Variants in MKLN1 observed in about 807,000 individuals in gnomAD.
MKLN1 encodes muskelin.
A neutral mutation model predicts 99.0 loss-of-function variants in MKLN1; 18 were observed. That is an observed-to-expected ratio of 0.18 (90% CI 0.13 to 0.27). The LOEUF (loss-of-function observed/expected upper bound fraction) is 0.27, where lower values mean the gene tolerates loss of function less well. Among genes scored for constraint, MKLN1 ranks in the 10% least tolerant of loss-of-function variants. The pLI, the probability that MKLN1 is intolerant of heterozygous loss-of-function variation, is 1.00. For missense variants in MKLN1, 621 were observed against 875.9 expected, an observed-to-expected ratio of 0.71 and a Z score of 3.67; for synonymous variants, 288 against 293.2, an observed-to-expected ratio of 0.98 and a Z score of 0.18.
Position 131,149,539 on chromosome 7 carries a change from A to T in MKLN1, c.-297+6598A>T, listed in dbSNP as rs1795860143. ...TCAACAAGTAGCCATATTCATATAA[A>T]CATATTTTCCTTTTCATTGCTGAGT... On this transcript the variant is annotated intron_variant, in intron 2 of 7. Transcript: ENST00000416992. Among the ~76,000 whole-genome samples the T allele has an allele frequency of 2.0e-5, 3 of 152,246 alleles. No homozygotes were observed. The South Asian group carries it at 6.2e-4, about 32-fold the overall frequency.
chr7:131,328,497 A>G (rs931484080), intron 1 of MKLN1, among the ~76,000 whole-genome samples: 4 of 152,148 alleles, frequency 2.6e-5, no homozygotes, highest in African/African-American at 9.7e-5. Context: ...TTAGCTCTAG[A>G]GTAGTGTTAA....
chr7:131,448,357 T>C (rs985002726), intron 12 of MKLN1, among the ~76,000 whole-genome samples: 1 of 152,238 alleles, frequency 6.6e-6, no homozygotes, highest in Non-Finnish European at 1.5e-5. Flanking sequence ...TATGTAGTAA[T>C]GTACAGTATC....
chr7:131,421,207 C>G (rs2116386090), intron 8 of MKLN1, among the ~76,000 whole-genome samples: 1 of 152,160 alleles, frequency 6.6e-6, no homozygotes, highest in East Asian at 1.9e-4. Context: ...GTTTTTCTCT[C>G]CAAAATTTCT....
rs537522432 is a variant in MKLN1 at position 131,220,668 on chromosome 7, G to A, written c.-179+17694G>A. On this transcript the variant is annotated intron_variant, in intron 3 of 7. Coordinates refer to the MKLN1 transcript ENST00000416992. The stretch of plus-strand genomic sequence containing the variant: ...GGACAGGGAGATGAAGCAGCTATTC[G>A]CTCATGCTGATCCTCTTCCTCTGTG... Among the ~76,000 whole-genome samples, 7 of 152,216 alleles carry A rather than the reference G, an allele frequency of 4.6e-5. 1 individual carries two copies. In the South Asian group the frequency reaches 1.2e-3, roughly 27 times the overall value.
intron 3 of MKLN1, among the ~76,000 whole-genome samples, chr7:131,307,581 G>A (rs1798486313): frequency 1.3e-5 from 2 of 152,220 alleles, no homozygotes; most frequent in South Asian, 2.1e-4. Context: ...TGCTCTGGAT[G>A]TGAGACATGG....
At chr7:131,322,213 GT>G (rs1300540027) in intron 3 of MKLN1, among the ~76,000 whole-genome samples, 1 of 152,158 alleles carries the variant, frequency 6.6e-6, no homozygotes. Context: ...AAAGCAGGCA[GT>G]TTAAGCATTT....
At position 131,163,307 on chromosome 7, in the gene MKLN1, T is replaced by C. The variant is rs569337194; in HGVS notation, c.-297+20366T>C. On this transcript the variant is annotated intron_variant, in intron 2 of 7. Coordinates refer to the MKLN1 transcript ENST00000416992. Reference sequence around the variant, plus strand: ...TAGGGTGCAGTTGGAGGAAATTGCCTATGAGAAAGTTTCTTAAATACTAAC... The same window carrying C: ...TAGGGTGCAGTTGGAGGAAATTGCCCATGAGAAAGTTTCTTAAATACTAAC... 3.2e-4 allele frequency among the ~76,000 whole-genome samples: 49 copies of C among 152,356 alleles called. 1 individual carries two copies. Among genetic ancestry groups the C allele is most frequent in the Admixed American group, 7.8e-4 (12 of 15,304 alleles).
chr7:131,126,850 G>A lies in MKLN1; in HGVS notation c.-418-15970G>A, dbSNP rs532735168. On this transcript the variant is annotated intron_variant, in intron 1 of 7. Coordinates refer to the MKLN1 transcript ENST00000416992. ...ATTACAGGCATGAGCCATCGCATCC[G>A]GCCCATATGTTGATCTTAGAATAGA... 2.2e-4 allele frequency among the ~76,000 whole-genome samples: 34 copies of A among 152,234 alleles called. No homozygotes were observed. In the South Asian group the frequency reaches 5.0e-3, roughly 22 times the overall value.
intron 2 of MKLN1, among the ~76,000 whole-genome samples, chr7:131,381,708 C>T (rs1235145990): frequency 3.3e-5 from 5 of 152,126 alleles, no homozygotes; most frequent in Non-Finnish European, 7.4e-5. Flanking sequence ...ACATAATTTA[C>T]GTAACATGTT....
At chr7:131,247,981 C>T (rs374221233) in intron 3 of MKLN1, among the ~76,000 whole-genome samples, 3 of 152,098 alleles carry the variant, frequency 2.0e-5, no homozygotes, top group Admixed American at 6.6e-5. Flanking sequence ...TCACTGCAGC[C>T]GTGAACTCTC....
Position 131,167,684 on chromosome 7 carries a change from A to AAAAT in MKLN1, c.-297+24745_-297+24746insATAA, listed in dbSNP as rs1554531220. Among the ~76,000 whole-genome samples, 123 of 151,962 alleles carry AAAAT rather than the reference A, an allele frequency of 8.1e-4. 3 individuals carry two copies. Among genetic ancestry groups the AAAAT allele is most frequent in the Admixed American group, 3.4e-3 (52 of 15,252 alleles). Reference sequence around the variant, plus strand: ...AAGACTCTGTCTCAAAAAAAAAAAAAAATAATGTGGAAAAGAAAACACACA... The same window carrying AAAAT: ...AAGACTCTGTCTCAAAAAAAAAAAAAAAATAATAATGTGGAAAAGAAAACACACA... On this transcript the variant is annotated intron_variant, in intron 2 of 7. Coordinates refer to the MKLN1 transcript ENST00000416992.
rs1035907202 is a variant in MKLN1 at position 131,496,454 on chromosome 7, T to C, written c.*8726T>C. 6.6e-6 allele frequency: 1 copy of C among 152,110 alleles called. No homozygotes were observed. Among genetic ancestry groups the C allele is most frequent in the Non-Finnish European group, 1.5e-5 (1 of 68,038 alleles). 9.4% of individuals were successfully genotyped at this position (152,110 alleles called of 1,614,324 possible). ...GGACTTTTTAGGATTTTTTTTTTCT[T>C]ATAGTACAAATAATTTTCAGATCCC... On this transcript the variant is annotated 3_prime_UTR_variant, in exon 18 of 18. Transcript: ENST00000352689.
intron 2 of MKLN1, among the ~76,000 whole-genome samples, chr7:131,192,295 ATATAT>A (rs1191540290): frequency 1.0e-4 from 8 of 79,704 alleles, no homozygotes; most frequent in South Asian, 4.2e-4. Flanking sequence ...AATATATACA[ATATAT>A]AAATATATAA....
intron 15 of MKLN1, among the ~76,000 whole-genome samples, chr7:131,468,663 CA>C (rs573880580): frequency 1.7e-3 from 250 of 151,378 alleles, no homozygotes; most frequent in Non-Finnish European, 2.9e-3. Flanking sequence ...TAGAAATGGG[CA>C]AAAAAAATTG....
rs371724352 is a variant in MKLN1, at chr7:131,351,383, A to T, written c.98+23386A>T. 1.6e-4 allele frequency among the ~76,000 whole-genome samples: 25 copies of T among 152,314 alleles called. No homozygotes were observed. The East Asian group carries it at 4.6e-3, about 28-fold the overall frequency. ...ATTCTAGATATGTTCAGTTGTTTCTATGGTGGCATTTGACTAATTCCTCTA... is the reference window on the plus strand; with the variant it reads ...ATTCTAGATATGTTCAGTTGTTTCTTTGGTGGCATTTGACTAATTCCTCTA... On this transcript the variant is annotated intron_variant, in intron 1 of 17. Transcript: ENST00000352689.
intron 3 of MKLN1, among the ~76,000 whole-genome samples, chr7:131,262,763 A>G (rs576164435): frequency 6.6e-6 from 1 of 151,858 alleles, no homozygotes; most frequent in Non-Finnish European, 1.5e-5. Context: ...GTTGGCCAGG[A>G]TGGTCTCCAT....
chr7:131,390,277 A>G (rs1434165318), intron 4 of MKLN1, among the ~76,000 whole-genome samples: 1 of 152,236 alleles, frequency 6.6e-6, no homozygotes, highest in Non-Finnish European at 1.5e-5. Flanking sequence ...CTGTTTTCTT[A>G]TAAGAATTTA....
intron 3 of MKLN1, among the ~76,000 whole-genome samples, chr7:131,207,997 C>T (rs1457211399): frequency 1.3e-5 from 2 of 152,112 alleles, no homozygotes. Flanking sequence ...AAAGTCCTGG[C>T]CAAAAATGGA....
At chr7:131,469,130 T>C (rs1466663084) in intron 15 of MKLN1, among the ~76,000 whole-genome samples, 1 of 151,920 alleles carries the variant, frequency 6.6e-6, no homozygotes, top group Non-Finnish European at 1.5e-5. Context: ...GTGGCCTAGA[T>C]AGATAGATAG....
Sources: allele counts gnomAD v4.1 joint callset (sites outside exome capture counted in the v4.1 genomes callset), GRCh38; gene constraint gnomAD v4.1.1; transcripts MANE v1.5; gene names NCBI Gene and HGNC (gene_info 2026-07-23, HGNC 2026-07-21).